Variants in PREX2 observed in about 807,000 individuals in gnomAD.
PREX2 encodes the protein phosphatidylinositol-3,4,5-trisphosphate dependent Rac exchange factor 2.
A neutral mutation model predicts 203.2 loss-of-function variants in PREX2; 107 were observed. The ratio of observed to expected loss-of-function variants is 0.53; its 90% CI spans 0.45 to 0.62. The LOEUF is 0.62. PREX2 is among the 20% of genes least tolerant of loss of function. PREX2 has a pLI of 0.00. For missense variants in PREX2, 1,777 were observed against 1,955.9 expected (o/e 0.91, Z 1.72); for synonymous variants, 672 against 663.6 (o/e 1.01, Z -0.19).
chr8:68,065,383 T>C (rs568929526), intron 11 of PREX2, among the ~76,000 whole-genome samples: 1 of 152,322 alleles, frequency 6.6e-6, no homozygotes, highest in Admixed American at 6.5e-5. Context: ...ACGTTATTTC[T>C]CTTGATTTTA....
chr8:68,177,663 T>G (rs1812007029), intron 35 of PREX2, among the ~76,000 whole-genome samples: 1 of 152,200 alleles, frequency 6.6e-6, no homozygotes, highest in Non-Finnish European at 1.5e-5. Context: ...GGGATACATG[T>G]GCAGGATATG....
chr8:67,962,607 T>C, intron 1 of PREX2, among the ~76,000 whole-genome samples: 1 of 48,644 alleles, frequency 2.1e-5, no homozygotes, highest in Non-Finnish European at 3.8e-5. Flanking sequence ...TATATTTTAT[T>C]TTTTTTTTTA....
chr8:68,165,012 C>CA (rs759019387), intron 35 of PREX2, among the ~76,000 whole-genome samples: 1 of 150,108 alleles, frequency 6.7e-6, no homozygotes, highest in Non-Finnish European at 1.5e-5. Context: ...GGTAAAAGCA[C>CA]AAAATCATAG....
intron 7 of PREX2, 31 bp from the exon 8 acceptor site, chr8:68,044,456 C>T (rs759347819): frequency 6.8e-7 from 1 of 1,471,388 alleles, no homozygotes; most frequent in East Asian, 2.3e-5. Flanking sequence ...TGTTTAGTAA[C>T]AAAGTCTTTG....
At chr8:68,204,678 C>CTTTTTTTTTT (rs1192583427) in intron 37 of PREX2, among the ~76,000 whole-genome samples, 30 of 83,394 alleles carry the variant, frequency 3.6e-4, no homozygotes, top group East Asian at 4.3e-4. Context: ...TTTCTTCTTT[C>CTTTTTTTTTT]TTTTTTTTTT....
intron 25 of PREX2, among the ~76,000 whole-genome samples, chr8:68,113,620 G>C (rs1177815794): frequency 6.6e-6 from 1 of 152,172 alleles, no homozygotes; most frequent in Non-Finnish European, 1.5e-5. Flanking sequence ...TTTTTCACTG[G>C]TGTCTAAAAC....
At chr8:68,188,527 CT>C (rs1812234510) in intron 35 of PREX2, among the ~76,000 whole-genome samples, 1 of 152,104 alleles carries the variant, frequency 6.6e-6, no homozygotes, top group Non-Finnish European at 1.5e-5. Flanking sequence ...TCTCATGTTG[CT>C]AATAAAGACA....
At chr8:68,033,577 C>T (rs1807946647) in intron 6 of PREX2, among the ~76,000 whole-genome samples, 1 of 152,096 alleles carries the variant, frequency 6.6e-6, no homozygotes, top group African/African-American at 2.4e-5. Context: ...AGTGTCAGAC[C>T]TGAGAAGGGT....
chr8:68,165,069 T>G (rs1294395489), intron 35 of PREX2, among the ~76,000 whole-genome samples: 1 of 151,872 alleles, frequency 6.6e-6, no homozygotes, highest in Non-Finnish European at 1.5e-5. Flanking sequence ...GCCTTTTTTT[T>G]TTTTGGTTTT....
chr8:68,184,113 A>G (rs578212626), intron 35 of PREX2, among the ~76,000 whole-genome samples: 260 of 152,282 alleles, frequency 1.7e-3, no homozygotes, highest in Non-Finnish European at 3.2e-3. Context: ...GCTTATGGGC[A>G]TGGGGAAGGT....
chr8:68,060,860 CA>C, intron 11 of PREX2, 81 bp downstream of exon 11: 4 of 876,208 alleles, frequency 4.6e-6, no homozygotes, highest in Non-Finnish European at 7.1e-6. Flanking sequence ...GTTTAGTTTA[CA>C]ATTCCCCACA....
chr8:68,145,905 T>A (rs937317579), intron 33 of PREX2, among the ~76,000 whole-genome samples: 14 of 152,226 alleles, frequency 9.2e-5, no homozygotes, highest in Admixed American at 7.2e-4. Flanking sequence ...AGATTTTGAT[T>A]CCAAACTATG....
chr8:68,089,145 G>A (rs780249702), intron 19 of PREX2, among the ~76,000 whole-genome samples: 4 of 148,524 alleles, frequency 2.7e-5, no homozygotes, highest in African/African-American at 7.5e-5. Context: ...ACCCTCAGCT[G>A]CATTCTAGCT....
At position 67,952,379 on chromosome 8, in the gene PREX2, C is replaced by CT. The variant is rs1016580705; in HGVS notation, c.-16_-15insT. The CT allele has an allele frequency of 9.8e-6, 15 of 1,523,172 alleles. No homozygotes were observed. In the African/African-American group the frequency reaches 2.0e-4, roughly 20 times the overall value. The allele number at this position is 1,523,172 out of a possible 1,614,324, so 94.4% of individuals were successfully genotyped here. On this transcript the variant is annotated 5_prime_UTR_variant, in exon 1 of 40. Transcript: ENST00000288368. ...CAGCACGGCGGGCAGCGCCGCGCTG[C>CT]GCACCGCCGCCGACCATGAGCGAGG... is the stretch of plus-strand genomic sequence containing the variant.
intron 1 of PREX2, among the ~76,000 whole-genome samples, chr8:67,994,361 A>G (rs1806704106): frequency 6.6e-6 from 1 of 152,222 alleles, no homozygotes; most frequent in Non-Finnish European, 1.5e-5. Flanking sequence ...TGGACAGTAT[A>G]ACAAAACCTC....
At chr8:68,170,471 G>C (rs935446812) in intron 35 of PREX2, among the ~76,000 whole-genome samples, 1 of 152,220 alleles carries the variant, frequency 6.6e-6, no homozygotes, top group Non-Finnish European at 1.5e-5. Context: ...CAGGCACCTG[G>C]AGAGCCTTTG....
At position 67,985,274 on chromosome 8, in the gene PREX2, A is replaced by C. The variant is rs551076878; in HGVS notation, c.142-32572A>C. Among the ~76,000 whole-genome samples, 3 of 152,290 alleles carry C rather than the reference A, an allele frequency of 2.0e-5. No homozygotes were observed. The South Asian group carries it at 6.2e-4, about 32-fold the overall frequency. On this transcript the variant is annotated intron_variant, in intron 1 of 39. Coordinates refer to ENST00000288368, the MANE Select transcript of PREX2 (RefSeq NM_024870.4). ...ATTTCAGTTTAGAGGGATGAGAATA[A>C]AGGGGATGCTTTTGGTAAAGTAGTA...
rs1485352839 is a variant in PREX2, at chr8:68,236,926, G to A, written c.*5548G>A. The A allele has an allele frequency of 6.6e-6, 1 of 151,940 alleles. No individual in the cohort carries two copies. The highest frequency in any genetic ancestry group is 1.5e-5 in the Non-Finnish European group (1 of 67,946). 9.4% of individuals were successfully genotyped at this position (151,940 alleles called of 1,614,324 possible). On this transcript the variant is annotated 3_prime_UTR_variant, in exon 40 of 40. Coordinates refer to ENST00000288368, the MANE Select transcript of PREX2 (RefSeq NM_024870.4). ...TTTATGTATGGTTAAAATTATCAAAGTGCATTATGTATTTTATATTGTTTA... is the reference window on the plus strand; with the variant it reads ...TTTATGTATGGTTAAAATTATCAAAATGCATTATGTATTTTATATTGTTTA...
intron 1 of PREX2, among the ~76,000 whole-genome samples, chr8:67,990,300 A>G (rs528600914): frequency 1.3e-5 from 2 of 151,564 alleles, no homozygotes; most frequent in East Asian, 1.9e-4. Flanking sequence ...GTGAATCTTA[A>G]GAGTCCTGGT....
Sources: allele counts gnomAD v4.1 joint callset (sites outside exome capture counted in the v4.1 genomes callset), GRCh38; gene constraint gnomAD v4.1.1; transcripts MANE v1.5; gene names NCBI Gene and HGNC (gene_info 2026-07-23, HGNC 2026-07-21).